CDC16: variants seen among roughly 807,000 people sequenced by gnomAD.
CDC16 encodes the protein cell division cycle 16.
In CDC16, 34 loss-of-function variants were observed where a neutral mutation model predicts 87.0. The observed-to-expected ratio is 0.39, with a 90% CI of 0.30 to 0.52. The LOEUF is 0.52. Among genes scored for constraint, CDC16 ranks in the 20% least tolerant of loss-of-function variants. CDC16 has a pLI of 0.74. For synonymous variants in CDC16, 263 were observed against 260.6 expected, an observed-to-expected ratio of 1.01 and a Z score of -0.09; for missense variants, 653 against 751.9, an observed-to-expected ratio of 0.87 and a Z score of 1.54.
rs17337863 is a variant in CDC16 at position 114,239,582 on chromosome 13, A to G, written c.381+92A>G. ...ACATTATCTTCTTTTACTTATTACT[A>G]TATTAAAACAATTGTGGTTGCCAAT... On this transcript the variant is annotated intron_variant, in intron 5 of 17. Coordinates refer to ENST00000356221, the MANE Select transcript of CDC16 (RefSeq NM_001078645.3). 376 of 1,310,478 alleles carry G rather than the reference A, an allele frequency of 2.9e-4. 1 individual carries two copies. In the African/African-American group the frequency reaches 5.4e-3, roughly 19 times the overall value. The allele number at this position is 1,310,478 out of a possible 1,614,324, so 81.2% of individuals were successfully genotyped here.
rs530297367 is a variant in CDC16 at position 114,271,267 on chromosome 13, C to T, written c.1604-917C>T. 2.6e-5 allele frequency among the ~76,000 whole-genome samples: 4 copies of T among 152,234 alleles called. 1 individual carries two copies. In the South Asian group the frequency reaches 6.2e-4, roughly 24 times the overall value. On this transcript the variant is annotated intron_variant, in intron 17 of 17. Coordinates refer to ENST00000356221, the MANE Select transcript of CDC16 (RefSeq NM_001078645.3). ...TTTTATTTTTAGAAAGTTTGCATGT[C>T]ATTATCTGCCAAACTACCTATTTCT...
intron 11 of CDC16, 111 bp downstream of exon 11, chr13:114,247,115 GT>G (rs5807004): frequency 0.13 from 71,274 of 539,660 alleles, 2,778 homozygotes; most frequent in Middle Eastern, 0.21. Context: ...AAGAATAAAT[GT>G]TTTTTTTTTT....
chr13:114,236,398 TA>T (rs2138835810), intron 1 of CDC16, among the ~76,000 whole-genome samples: 1 of 152,306 alleles, frequency 6.6e-6, no homozygotes, highest in Admixed American at 6.5e-5. Context: ...GTATGAGTTT[TA>T]AAAAATTACC....
At chr13:114,263,191 T>A (rs1218164570) in intron 16 of CDC16, among the ~76,000 whole-genome samples, 177 bp downstream of exon 16, 1 of 152,220 alleles carries the variant, frequency 6.6e-6, no homozygotes, top group African/African-American at 2.4e-5. Flanking sequence ...ATTCATCAAA[T>A]TAGAAACAAA....
chr13:114,263,136 G>A (rs1435561015), intron 16 of CDC16, 122 bp downstream of exon 16: 9 of 811,830 alleles, frequency 1.1e-5, no homozygotes, highest in South Asian at 1.7e-5. Flanking sequence ...AACCTTACGT[G>A]TTATTCTTTT....
intron 17 of CDC16, among the ~76,000 whole-genome samples, chr13:114,269,288 G>T (rs1416006971): frequency 6.6e-6 from 1 of 152,154 alleles, no homozygotes; most frequent in East Asian, 1.9e-4. Context: ...CACAGTTCAG[G>T]ACCTCTTGAA....
chr13:114,262,347 T>C (rs1055817112), intron 15 of CDC16, among the ~76,000 whole-genome samples: 1 of 152,252 alleles, frequency 6.6e-6, no homozygotes, highest in Non-Finnish European at 1.5e-5. Context: ...AGTATTTCTA[T>C]TGCAGGATTT....
At chr13:114,254,751 G>C (rs1285961513) in intron 12 of CDC16, among the ~76,000 whole-genome samples, 1 of 152,144 alleles carries the variant, frequency 6.6e-6, no homozygotes, top group Non-Finnish European at 1.5e-5. Flanking sequence ...CCATCTAAAT[G>C]GGCTTCCTCC....
intron 17 of CDC16, among the ~76,000 whole-genome samples, chr13:114,268,895 G>C (rs1200782278): frequency 2.6e-5 from 4 of 152,242 alleles, no homozygotes; most frequent in Non-Finnish European, 4.4e-5. Flanking sequence ...AGGATGTGGT[G>C]TTGGTGTGAT....
At chr13:114,241,350 G>T (rs1028946173) in intron 5 of CDC16, among the ~76,000 whole-genome samples, 1 of 152,234 alleles carries the variant, frequency 6.6e-6, no homozygotes, top group Non-Finnish European at 1.5e-5. Flanking sequence ...GGCAGAGCTG[G>T]GGTTTGAACT....
intron 10 of CDC16, 120 bp downstream of exon 10, chr13:114,246,169 C>T (rs558516302): frequency 5.6e-6 from 3 of 538,170 alleles, no homozygotes; most frequent in Non-Finnish European, 9.7e-6. Flanking sequence ...TAAAGTGTTG[C>T]AACAGAATCT....
At chr13:114,236,481 G>C (rs555888214) in intron 1 of CDC16, among the ~76,000 whole-genome samples, 164 bp from the exon 2 acceptor site, 2 of 152,020 alleles carry the variant, frequency 1.3e-5, no homozygotes, top group African/African-American at 4.8e-5. Context: ...TTTACCCTAC[G>C]TGAGATGTAA....
At chr13:114,248,573 T>C (rs12583737) in intron 11 of CDC16, among the ~76,000 whole-genome samples, 3,274 of 151,948 alleles carry the variant, frequency 0.022, 127 homozygotes, top group Admixed American at 0.085. Context: ...CCCCGCTACT[T>C]GGGAGGCTGA....
At chr13:114,235,426 A>G (rs921437125) in intron 1 of CDC16, among the ~76,000 whole-genome samples, 1 of 152,176 alleles carries the variant, frequency 6.6e-6, no homozygotes, top group African/African-American at 2.4e-5. Flanking sequence ...AACACTGACT[A>G]CTCAGTGCAA....
Position 114,246,972 on chromosome 13 carries a change from T to C in CDC16, c.939T>C (p.Gly313=). 1.2e-6 allele frequency: 2 copies of C among 1,613,204 alleles called. No homozygotes were observed. The highest frequency in any genetic ancestry group is 1.7e-6 in the Non-Finnish European group (2 of 1,179,204). Residue 313 remains glycine, a synonymous_variant, in exon 11 of 18, where the codon GGT becomes GGC. Transcript: ENST00000356221. The part of the protein sequence containing the change: ...FAVGCYYLMV[G]HKNEHARRYL... The stretch of plus-strand genomic sequence containing the variant: ...TGGGATGTTACTATCTCATGGTCGG[T>C]CATAAAAATGAACATGCCAGAAGAT...
At chr13:114,241,548 A>G (rs1229613854) in intron 5 of CDC16, among the ~76,000 whole-genome samples, 1 of 152,266 alleles carries the variant, frequency 6.6e-6, no homozygotes, top group Admixed American at 6.5e-5. Context: ...TGGACAAAAC[A>G]GGTAATGAAC....
chr13:114,235,285 C>G (rs2138823882), intron 1 of CDC16, among the ~76,000 whole-genome samples, 153 bp downstream of exon 1: 1 of 152,312 alleles, frequency 6.6e-6, no homozygotes, highest in East Asian at 1.9e-4. Flanking sequence ...CTGTCTCCGC[C>G]TCGCCCAGAA....
At chr13:114,263,607 G>A (rs2082989578) in intron 16 of CDC16, among the ~76,000 whole-genome samples, 1 of 152,162 alleles carries the variant, frequency 6.6e-6, no homozygotes, top group Non-Finnish European at 1.5e-5. Context: ...ACATATAAGT[G>A]AAATAAATGG....
At chr13:114,236,935 T>TA (rs765366852) in intron 3 of CDC16, 39 bp downstream of exon 3, 42 of 1,357,230 alleles carry the variant, frequency 3.1e-5, no homozygotes, top group South Asian at 6.7e-5. Flanking sequence ...TTCAGAGCTT[T>TA]AAAAAAAATG....
Sources: gnomAD v4.1 joint callset for allele counts (sites outside exome capture counted in the v4.1 genomes callset) on GRCh38, gnomAD v4.1.1 for gene constraint, MANE v1.5 for transcripts, NCBI Gene and HGNC (gene_info 2026-07-23, HGNC 2026-07-21) for gene names.